FBXW2: variants seen among roughly 807,000 people sequenced by gnomAD.
FBXW2 encodes F-box/WD repeat-containing protein 2.
FBXW2 carries 12 observed loss-of-function variants against 46.0 expected under a neutral mutation model. That is an observed-to-expected ratio of 0.26 (90% CI 0.17 to 0.42). The LOEUF is 0.42. Among genes scored for constraint, FBXW2 ranks in the 10% least tolerant of loss-of-function variants. The pLI, the probability that FBXW2 is intolerant of heterozygous loss-of-function variation, is 1.00. For synonymous variants in FBXW2, 203 were observed against 209.6 expected, an observed-to-expected ratio of 0.97 and a Z score of 0.27; for missense variants, 360 against 537.0, an observed-to-expected ratio of 0.67 and a Z score of 3.26.
intron 7 of FBXW2, 45 bp downstream of exon 7, chr9:120,771,303 C>T: frequency 3.2e-6 from 5 of 1,556,168 alleles, no homozygotes; most frequent in Non-Finnish European, 4.4e-6. Flanking sequence ...TACTGAACTG[C>T]AGCAGGCTTT....
At chr9:120,766,838 C>T (rs1564449690) in intron 7 of FBXW2, among the ~76,000 whole-genome samples, 1 of 152,214 alleles carries the variant, frequency 6.6e-6, no homozygotes, top group African/African-American at 2.4e-5. Context: ...AAACATCTTG[C>T]CATGAGTCAT....
Position 120,793,149 on chromosome 9 carries a change from C to G in FBXW2, c.-21G>C. The G allele has an allele frequency of 1.7e-6, 1 of 604,830 alleles. No individual in the cohort carries two copies. The highest frequency in any genetic ancestry group is 2.9e-5 in the East Asian group (1 of 34,492). 37.5% of individuals were successfully genotyped at this position (604,830 alleles called of 1,614,324 possible). A position where few individuals can be genotyped will look rare whatever the true frequency, so the allele number is the denominator to read the frequency against. On this transcript the variant is annotated splice_region_variant and 5_prime_UTR_variant, in exon 2 of 8. Coordinates refer to ENST00000608872, the MANE Select transcript of FBXW2 (RefSeq NM_012164.4). ...GAATCGTGTTCCGCGCGGCACTGACCTGAGCGAGCGCCCCGGGGCCCGGGA... is the reference window on the plus strand; with the variant it reads ...GAATCGTGTTCCGCGCGGCACTGACGTGAGCGAGCGCCCCGGGGCCCGGGA...
chr9:120,771,530 G>A lies in FBXW2; in HGVS notation c.907-13C>T. Reference sequence around the variant, plus strand: ...CAATTGGCCAAATCTACAGAAAAAAGAAAATGAGGAAAGATGAGAGATCAC... The same window carrying A: ...CAATTGGCCAAATCTACAGAAAAAAAAAAATGAGGAAAGATGAGAGATCAC... On this transcript the variant is annotated splice_polypyrimidine_tract_variant and intron_variant, in intron 6 of 7. Coordinates refer to ENST00000608872, the MANE Select transcript of FBXW2 (RefSeq NM_012164.4). The A allele has an allele frequency of 6.2e-7, 1 of 1,602,800 alleles. No individual in the cohort carries two copies. Among genetic ancestry groups the A allele is most frequent in the Non-Finnish European group, 8.5e-7 (1 of 1,175,422 alleles).
intron 5 of FBXW2, among the ~76,000 whole-genome samples, chr9:120,775,857 C>T (rs2044482010): frequency 6.6e-6 from 1 of 152,014 alleles, no homozygotes; most frequent in South Asian, 2.1e-4. Flanking sequence ...TTTTATTTGC[C>T]CCCTCTATCC....
chr9:120,792,210 G>A (rs969211292), intron 2 of FBXW2, among the ~76,000 whole-genome samples: 2 of 152,072 alleles, frequency 1.3e-5, no homozygotes, highest in Non-Finnish European at 2.9e-5. Flanking sequence ...TATACTCAGA[G>A]GTATTAGAGA....
In FBXW2 at chr9:120,758,577, G is replaced by A. The variant is rs564429745; in HGVS notation, c.*5982C>T. The A allele has an allele frequency of 3.3e-5, 5 of 152,252 alleles. No homozygotes were observed. Among genetic ancestry groups the A allele is most frequent in the African/African-American group, 1.2e-4 (5 of 41,446 alleles). The allele number at this position is 152,252 out of a possible 1,614,324, so 9.4% of individuals were successfully genotyped here. ...GGGATTTGAAGAGACTTGAAATACA[G>A]AAAGAACAGACAAACATGAAAACAT... is the stretch of plus-strand genomic sequence containing the variant. On this transcript the variant is annotated 3_prime_UTR_variant, in exon 8 of 8. Transcript: ENST00000608872.
chr9:120,770,099 G>A (rs1001705145), intron 7 of FBXW2, among the ~76,000 whole-genome samples: 1 of 152,148 alleles, frequency 6.6e-6, no homozygotes, highest in Non-Finnish European at 1.5e-5. Flanking sequence ...TGAAGAGGCC[G>A]GGTGCGGTGG....
At position 120,757,881 on chromosome 9, in the gene FBXW2, G is replaced by C. The variant is rs933286798; in HGVS notation, c.*6678C>G. 6.6e-6 allele frequency: 1 copy of C among 152,184 alleles called. No individual in the cohort carries two copies. Among genetic ancestry groups the C allele is most frequent in the Non-Finnish European group, 1.5e-5 (1 of 68,040 alleles). The allele number at this position is 152,184 out of a possible 1,614,324, so 9.4% of individuals were successfully genotyped here. A position where few individuals can be genotyped will look rare whatever the true frequency, so the allele number is the denominator to read the frequency against. ...GATATGGCAGAAGAGGGACGTCTAA[G>C]AGAGGAAAAGCTGTGTGGAATTGAT... On this transcript the variant is annotated 3_prime_UTR_variant, in exon 8 of 8. Transcript: ENST00000608872.
intron 7 of FBXW2, among the ~76,000 whole-genome samples, chr9:120,765,618 C>A (rs945003003): frequency 4.6e-5 from 7 of 152,150 alleles, no homozygotes; most frequent in African/African-American, 1.7e-4. Context: ...TCCTAGAATA[C>A]TGGAACACCC....
At chr9:120,765,099 T>G (rs1372294143) in intron 7 of FBXW2, among the ~76,000 whole-genome samples, 2 of 151,532 alleles carry the variant, frequency 1.3e-5, no homozygotes, top group Non-Finnish European at 3.0e-5. Flanking sequence ...ATCAAAGTTT[T>G]TTTTTTTTTT....
Position 120,787,968 on chromosome 9 carries a change from C to G in FBXW2, c.291G>C (p.Val97=). 6.2e-7 allele frequency: 1 copy of G among 1,614,238 alleles called. No homozygotes were observed. Among genetic ancestry groups the G allele is most frequent in the Non-Finnish European group, 8.5e-7 (1 of 1,180,054 alleles). The stretch of plus-strand genomic sequence containing the variant: ...CCAAATTTTTACATGCAGTCTGCCA[C>G]ACCTCTGTACAGGCACTTATCACCT... ...WNKVISACTE[V]WQTACKNLGW... is the part of the protein sequence containing the mutation. Residue 97 remains valine, a synonymous_variant, in exon 3 of 8, where the codon GTG becomes GTC. Coordinates refer to ENST00000608872, the MANE Select transcript of FBXW2 (RefSeq NM_012164.4).
chr9:120,785,183 T>G (rs1241914580), intron 3 of FBXW2, among the ~76,000 whole-genome samples: 1 of 151,942 alleles, frequency 6.6e-6, no homozygotes. Flanking sequence ...TGTTTTTTTA[T>G]TTTTTTGTAG....
At chr9:120,766,613 C>G (rs899499502) in intron 7 of FBXW2, among the ~76,000 whole-genome samples, 2 of 151,982 alleles carry the variant, frequency 1.3e-5, no homozygotes, top group East Asian at 1.9e-4. Flanking sequence ...TACAGATGCC[C>G]GCCACCACGC....
Position 120,764,345 on chromosome 9 carries a change from G to A in FBXW2, c.*214C>T, listed in dbSNP as rs1261598156. On this transcript the variant is annotated 3_prime_UTR_variant, in exon 8 of 8. Transcript: ENST00000608872. ...ACTAAGTACAAATGAAGTCAATGGT[G>A]TACCCCATTAGCATGCTGCGTTGTA... The A allele has an allele frequency of 5.4e-6, 3 of 558,582 alleles. No homozygotes were observed. Among genetic ancestry groups the A allele is most frequent in the Non-Finnish European group, 9.6e-6 (3 of 313,590 alleles). 34.6% of individuals were successfully genotyped at this position (558,582 alleles called of 1,614,324 possible).
At chr9:120,784,636 G>A (rs536776137) in intron 3 of FBXW2, among the ~76,000 whole-genome samples, 44 of 151,226 alleles carry the variant, frequency 2.9e-4, no homozygotes, top group African/African-American at 1.0e-3. Context: ...AAAAAAAAAT[G>A]CGGCTGGGTG....
rs1231911632 is a variant in FBXW2, at chr9:120,757,388, G to A, written c.*7171C>T. On this transcript the variant is annotated 3_prime_UTR_variant, in exon 8 of 8. Transcript: ENST00000608872. The stretch of plus-strand genomic sequence containing the variant: ...AGAAAAAATTCCACTGCTTTTGCGA[G>A]TAAGTCTTCTACTGGAACTTGTTCT... The A allele has an allele frequency of 1.3e-5, 2 of 152,198 alleles. No homozygotes were observed. Among genetic ancestry groups the A allele is most frequent in the African/African-American group, 2.4e-5 (1 of 41,446 alleles). 9.4% of individuals were successfully genotyped at this position (152,198 alleles called of 1,614,324 possible).
intron 7 of FBXW2, among the ~76,000 whole-genome samples, chr9:120,765,186 C>T (rs1416409846): frequency 1.3e-5 from 2 of 151,734 alleles, no homozygotes; most frequent in African/African-American, 2.4e-5. Context: ...CCTCCACCTC[C>T]CAGGTTCAAG....
Position 120,793,167 on chromosome 9 carries a change from G to A in FBXW2, c.-39C>T, listed in dbSNP as rs558002289. 49 of 577,006 alleles carry A rather than the reference G, an allele frequency of 8.5e-5. No individual in the cohort carries two copies. The East Asian group carries it at 1.1e-3, about 13-fold the overall frequency. The allele number at this position is 577,006 out of a possible 1,614,324, so 35.7% of individuals were successfully genotyped here. ...CACTGACCTGAGCGAGCGCCCCGGG[G>A]CCCGGGACCTCGCGCCGGGTTCACA... is the stretch of plus-strand genomic sequence containing the variant. On this transcript the variant is annotated 5_prime_UTR_variant, in exon 2 of 8. Transcript: ENST00000608872.
intron 5 of FBXW2, among the ~76,000 whole-genome samples, chr9:120,775,726 T>C (rs1469098154): frequency 6.6e-6 from 1 of 152,210 alleles, no homozygotes; most frequent in Non-Finnish European, 1.5e-5. Flanking sequence ...AGAAACATGT[T>C]TATTCTAAAG....
Sources: allele counts gnomAD v4.1 joint callset (sites outside exome capture counted in the v4.1 genomes callset), GRCh38; gene constraint gnomAD v4.1.1; transcripts MANE v1.5; gene names NCBI Gene and HGNC (gene_info 2026-07-23, HGNC 2026-07-21).